SLC23A1: variants seen among roughly 807,000 people sequenced by gnomAD.
SLC23A1 encodes solute carrier family 23 member 1.
In SLC23A1, 31 loss-of-function variants were observed where a neutral mutation model predicts 62.5. That is an observed-to-expected ratio of 0.50 (90% CI 0.37 to 0.67). The LOEUF is 0.67. Among genes scored for constraint, SLC23A1 ranks in the 30% least tolerant of loss-of-function variants. SLC23A1 has a pLI of 0.00. For missense variants in SLC23A1, 640 were observed against 782.7 expected (o/e 0.82, Z 2.18); for synonymous variants, 271 against 313.2 (o/e 0.87, Z 1.42).
chr5:139,368,751 C>T, intron 14 of SLC23A1: 1 of 1,612,882 alleles, frequency 6.2e-7, no homozygotes, highest in Non-Finnish European at 8.5e-7. Flanking sequence ...CAATCTGAAT[C>T]CAAATGCAAA....
chr5:139,378,158 G>A lies in SLC23A1; in HGVS notation c.1310-40C>T, dbSNP rs779781204. The A allele has an allele frequency of 2.5e-6, 4 of 1,613,682 alleles. No individual in the cohort carries two copies. Among genetic ancestry groups the A allele is most frequent in the Non-Finnish European group, 3.4e-6 (4 of 1,179,836 alleles). ...GAACGGCTGGAGGCGCCGCACACGC[G>A]TAATCCAGGTGAGTCCCACTCGGCG... On this transcript the variant is annotated intron_variant, in intron 11 of 14. Transcript: ENST00000348729. The surrounding 1 kb of genome is among the most constrained non-coding windows in gnomAD (Gnocchi z 4.5).
chr5:139,382,466 G>T, intron 2 of SLC23A1, 26 bp downstream of exon 2: 1 of 1,345,552 alleles, frequency 7.4e-7, no homozygotes, highest in Non-Finnish European at 1.1e-6. Flanking sequence ...TGCAGAGTGA[G>T]GGCGGGGAGG....
intron 13 of SLC23A1, among the ~76,000 whole-genome samples, chr5:139,373,780 A>G (rs1322949021): frequency 6.6e-6 from 1 of 152,120 alleles, no homozygotes; most frequent in Non-Finnish European, 1.5e-5. Flanking sequence ...TGGAAGAGAA[A>G]CCTTGATTGG....
At chr5:139,376,652 G>A (rs1452966595) in intron 13 of SLC23A1, among the ~76,000 whole-genome samples, 3 of 152,136 alleles carry the variant, frequency 2.0e-5, no homozygotes, top group Admixed American at 6.5e-5. Context: ...TATCCTCCAC[G>A]ATCTTTGCAA....
intron 14 of SLC23A1, among the ~76,000 whole-genome samples, chr5:139,370,446 C>T (rs1049310449): frequency 3.3e-5 from 5 of 151,638 alleles, no homozygotes; most frequent in African/African-American, 1.2e-4. Flanking sequence ...GCTGAGATTA[C>T]AGGCGTGAGC....
chr5:139,372,692 A>C (rs563295741), intron 13 of SLC23A1, among the ~76,000 whole-genome samples: 45 of 151,910 alleles, frequency 3.0e-4, no homozygotes, highest in African/African-American at 8.9e-4. Context: ...TTAAGCGATT[A>C]TCCTGCCTCA....
At chr5:139,374,582 G>A (rs1165243027) in intron 13 of SLC23A1, among the ~76,000 whole-genome samples, 2 of 152,232 alleles carry the variant, frequency 1.3e-5, no homozygotes, top group African/African-American at 4.8e-5. Context: ...AATCCAGGTT[G>A]TGTGACCTTA....
chr5:139,372,702 A>C (rs1239337483), intron 13 of SLC23A1, among the ~76,000 whole-genome samples: 1 of 152,064 alleles, frequency 6.6e-6, no homozygotes, highest in East Asian at 1.9e-4. Flanking sequence ...ATCCTGCCTC[A>C]GTCTCCTTAG....
chr5:139,380,885 G>A lies in SLC23A1; in HGVS notation c.310C>T (p.Leu104=), dbSNP rs539844657. Residue 104 remains leucine, a splice_region_variant and synonymous_variant, in exon 4 of 15, where the codon CTG becomes TTG. Transcript: ENST00000348729. ...TLIQTTVGIR[L]PLFQASAFAF... ...AAGGCACTGGCCTGGAACAGCGGCA[G>A]CCTGGAGGAGAGGCACAAAGCAACA... is the stretch of plus-strand genomic sequence containing the variant. 2.5e-5 allele frequency: 38 copies of A among 1,518,694 alleles called. No homozygotes were observed. The East Asian group carries it at 5.9e-4, about 23-fold the overall frequency. The allele number at this position is 1,518,694 out of a possible 1,614,324, so 94.1% of individuals were successfully genotyped here. A position where few individuals can be genotyped will look rare whatever the true frequency, so the allele number is the denominator to read the frequency against.
intron 14 of SLC23A1, among the ~76,000 whole-genome samples, chr5:139,371,104 C>T (rs1005643352): frequency 1.2e-4 from 18 of 152,084 alleles, no homozygotes; most frequent in South Asian, 1.0e-3. Flanking sequence ...AAAGGGAACT[C>T]TAGCCAGACT....
chr5:139,376,033 T>G (rs1757929926), intron 13 of SLC23A1, among the ~76,000 whole-genome samples: 1 of 152,040 alleles, frequency 6.6e-6, no homozygotes, highest in South Asian at 2.1e-4. Context: ...TCCCAATTAT[T>G]TGGGAGGCTG....
intron 13 of SLC23A1, among the ~76,000 whole-genome samples, chr5:139,373,548 A>G (rs1357097119): frequency 6.6e-6 from 1 of 151,904 alleles, no homozygotes; most frequent in Admixed American, 6.6e-5. Context: ...GGTTTTCACA[A>G]GAGGGCTGGG....
At chr5:139,376,668 T>G (rs1316286978) in intron 13 of SLC23A1, among the ~76,000 whole-genome samples, 2 of 152,202 alleles carry the variant, frequency 1.3e-5, no homozygotes, top group Non-Finnish European at 2.9e-5. Context: ...TGCAAAAAGC[T>G]CTGGTACCAA....
intron 13 of SLC23A1, among the ~76,000 whole-genome samples, chr5:139,375,524 A>G (rs953578272): frequency 2.0e-5 from 3 of 152,160 alleles, no homozygotes; most frequent in African/African-American, 7.2e-5. Context: ...CCTGGGCAAC[A>G]TAGACCCCCA....
Position 139,378,011 on chromosome 5 carries a change from T to A in SLC23A1, c.1417A>T (p.Asn473Tyr). ...GCGCCAGGGTTGGACTCCAGGTAAT[T>A]GGGCAGCGTGAGCCCGAAGAACATG... ...FSMFFGLTLPNYLESNPGAIN... is the reference protein window; with the variant it reads ...FSMFFGLTLPYYLESNPGAIN... The change falls in exon 12 of 15, where the codon AAT becomes TAT. Residue 473 changes from asparagine to tyrosine, a missense_variant. Asn to Tyr is a moderately radical substitution (Grantham distance 143). Coordinates refer to ENST00000348729, the MANE Select transcript of SLC23A1 (RefSeq NM_005847.5). This position sits in a 1 kb window ranked among gnomAD's most constrained non-coding sequence, Gnocchi z 4.5. The A allele has an allele frequency of 6.2e-7, 1 of 1,613,944 alleles. No homozygotes were observed. Among genetic ancestry groups the A allele is most frequent in the Admixed American group, 1.7e-5 (1 of 59,970 alleles).
upstream of SLC23A1, chr5:139,384,618 T>C: frequency 8.0e-7 from 1 of 1,248,300 alleles, no homozygotes; most frequent in Non-Finnish European, 1.0e-6. Flanking sequence ...CCCAGGGTGC[T>C]GTGGAGACCA....
In SLC23A1 at chr5:139,378,812, T is replaced by G. The variant is rs990398167; in HGVS notation, c.1074-128A>C. ...AGCTATCAGCTGTAGCACTCCCTAC[T>G]ACAGGCCAGAATGCTCAGGCTCCAG... On this transcript the variant is annotated intron_variant, in intron 9 of 14. Transcript: ENST00000348729. This position sits in a 1 kb window ranked among gnomAD's most constrained non-coding sequence, Gnocchi z 4.5. 2.0e-5 allele frequency: 14 copies of G among 705,300 alleles called. No homozygotes were observed. The highest frequency in any genetic ancestry group is 3.2e-5 in the Non-Finnish European group (13 of 403,544). 43.7% of individuals were successfully genotyped at this position (705,300 alleles called of 1,614,324 possible). A position where few individuals can be genotyped will look rare whatever the true frequency, so the allele number is the denominator to read the frequency against.
chr5:139,368,735 C>T, intron 14 of SLC23A1: 1 of 1,611,284 alleles, frequency 6.2e-7, no homozygotes, highest in Non-Finnish European at 8.5e-7. Flanking sequence ...TTTTCCAGGT[C>T]AAGAGCAATC....
At chr5:139,373,010 A>T (rs1388869594) in intron 13 of SLC23A1, among the ~76,000 whole-genome samples, 2 of 152,176 alleles carry the variant, frequency 1.3e-5, no homozygotes, top group African/African-American at 2.4e-5. Flanking sequence ...TTCTGGGGGT[A>T]AGGGAGGCAT....
Sources: allele counts gnomAD v4.1 joint callset (sites outside exome capture counted in the v4.1 genomes callset), GRCh38; gene constraint gnomAD v4.1.1; non-coding constraint Gnocchi (gnomAD v3.1); transcripts MANE v1.5; gene names NCBI Gene and HGNC (gene_info 2026-07-23, HGNC 2026-07-21).